MINK1: variants seen among roughly 807,000 people sequenced by gnomAD.
The protein encoded by MINK1 is misshapen like kinase 1.
In MINK1, 46 loss-of-function variants were observed where a neutral mutation model predicts 178.4. The observed-to-expected ratio is 0.26, with a 90% CI of 0.20 to 0.33. MINK1 has a LOEUF of 0.33. Ranked by LOEUF, MINK1 falls within the 10% of genes least tolerant of loss-of-function variation. The pLI, the probability that MINK1 is intolerant of heterozygous loss-of-function variation, is 1.00. For missense variants in MINK1, 1,366 were observed against 1,814.9 expected (o/e 0.75, Z 4.49); for synonymous variants, 797 against 709.7 (o/e 1.12, Z -1.96).
rs1968211761 is a variant in MINK1 at position 4,886,448 on chromosome 17, C to T, written c.774-3C>T. The T allele has an allele frequency of 6.3e-7, 1 of 1,598,740 alleles. No individual in the cohort carries two copies. ...TCCCAGTGTGAGCCACCACTGTTTCCAGGTCTAAGAAGTTCATTGACTTCA... is the reference window on the plus strand; with the variant it reads ...TCCCAGTGTGAGCCACCACTGTTTCTAGGTCTAAGAAGTTCATTGACTTCA... On this transcript the variant is annotated splice_polypyrimidine_tract_variant and splice_region_variant and intron_variant, in intron 9 of 31. Coordinates refer to ENST00000355280, the MANE Select transcript of MINK1 (RefSeq NM_153827.5). This position sits in a 1 kb window ranked among gnomAD's most constrained non-coding sequence, Gnocchi z 6.1.
At chr17:4,843,509 AAAAG>A (rs1184922653) in intron 1 of MINK1, among the ~76,000 whole-genome samples, 2 of 152,020 alleles carry the variant, frequency 1.3e-5, no homozygotes. Flanking sequence ...AAAAAGAAAA[AAAAG>A]GAAGTTGGTT....
At chr17:4,863,316 G>A (rs1190312545) in intron 1 of MINK1, among the ~76,000 whole-genome samples, 1 of 152,166 alleles carries the variant, frequency 6.6e-6, no homozygotes, top group East Asian at 1.9e-4. Context: ...GCCCACTCAT[G>A]GCCTCTGCTT....
At chr17:4,849,837 C>A (rs1373478828) in intron 1 of MINK1, among the ~76,000 whole-genome samples, 1 of 152,024 alleles carries the variant, frequency 6.6e-6, no homozygotes, top group African/African-American at 2.4e-5. Context: ...CCTCCCAAAG[C>A]GCTGGGATTA....
chr17:4,890,937 C>G lies in MINK1; in HGVS notation c.1567-14C>G. On this transcript the variant is annotated splice_polypyrimidine_tract_variant and intron_variant, in intron 14 of 31. Transcript: ENST00000355280. ...GGCAAGAGCTGGCCTGCTTGACATCCCTTCACATCACAGGTAGAAGAGAGA... is the reference window on the plus strand; with the variant it reads ...GGCAAGAGCTGGCCTGCTTGACATCGCTTCACATCACAGGTAGAAGAGAGA... The G allele has an allele frequency of 2.6e-6, 4 of 1,552,828 alleles. No individual in the cohort carries two copies. The highest frequency in any genetic ancestry group is 2.6e-6 in the Non-Finnish European group (3 of 1,147,670).
At chr17:4,884,028 CTTTTT>C (rs1057478222) in intron 4 of MINK1, among the ~76,000 whole-genome samples, 1 of 131,906 alleles carries the variant, frequency 7.6e-6, no homozygotes, top group Non-Finnish European at 1.6e-5. Flanking sequence ...TCCTTCTCCT[CTTTTT>C]TTTTTTTTTT....
At chr17:4,859,117 C>T in intron 1 of MINK1, 2 of 985,370 alleles carry the variant, frequency 2.0e-6, no homozygotes, top group Non-Finnish European at 1.2e-6. Flanking sequence ...AGTGAATAAT[C>T]ATTGCTGGGC....
At chr17:4,876,640 G>T (rs1420859129) in intron 1 of MINK1, among the ~76,000 whole-genome samples, 1 of 152,088 alleles carries the variant, frequency 6.6e-6, no homozygotes, top group Non-Finnish European at 1.5e-5. Context: ...AAGGAGAAAG[G>T]AGTTTTAGAT....
chr17:4,886,682 C>A lies in MINK1; in HGVS notation c.949+56C>A. 1 of 1,480,080 alleles carries A rather than the reference C, an allele frequency of 6.8e-7. No homozygotes were observed. Among genetic ancestry groups the A allele is most frequent in the East Asian group, 2.4e-5 (1 of 41,808 alleles). 91.7% of individuals were successfully genotyped at this position (1,480,080 alleles called of 1,614,324 possible). On this transcript the variant is annotated intron_variant, in intron 10 of 31. Coordinates refer to ENST00000355280, the MANE Select transcript of MINK1 (RefSeq NM_153827.5). This position sits in a 1 kb window ranked among gnomAD's most constrained non-coding sequence, Gnocchi z 6.1. The stretch of plus-strand genomic sequence containing the variant: ...TAGGGGACACTCCAGCCTGGCTCCT[C>A]TCTGCCAGCCCTGCTCGCTCCTGGC...
intron 1 of MINK1, among the ~76,000 whole-genome samples, chr17:4,871,643 A>T (rs1432326659): frequency 6.6e-6 from 1 of 152,166 alleles, no homozygotes; most frequent in Non-Finnish European, 1.5e-5. Flanking sequence ...ATCCATCTAC[A>T]TATTTTTGTG....
chr17:4,878,593 C>T (rs1967411992), intron 2 of MINK1, among the ~76,000 whole-genome samples: 1 of 152,084 alleles, frequency 6.6e-6, no homozygotes. Flanking sequence ...AGAGCCAGTC[C>T]CGGACATGGT....
Position 4,894,535 on chromosome 17 carries a change from G to C in MINK1, c.2819G>C (p.Arg940Pro). Residue 940 changes from arginine (R) to proline (P), a missense_variant, in exon 24 of 32, where the codon CGT (arginine) becomes CCT (proline). Physicochemically the swap from Arg to Pro is moderately radical, Grantham distance 103 (BLOSUM62 -2). Around this residue, in one of 14 missense-constraint regions of MINK1, gnomAD observed 709 missense variants for 692.3 expected, o/e 1.02. Coordinates refer to ENST00000355280, the MANE Select transcript of MINK1 (RefSeq NM_153827.5). The surrounding 1 kb of genome is among the most constrained non-coding windows in gnomAD (Gnocchi z 4.1). ...GTCCCCCTACCACAGTACCAGTCTC[G>C]TGGGCTGGTAAAGGCCCCTGGCAAG... ...SKDGSGDYQSRGLVKAPGKSS... is the reference protein window; with the variant it reads ...SKDGSGDYQSPGLVKAPGKSS... 6.2e-7 allele frequency: 1 copy of C among 1,601,608 alleles called. No individual in the cohort carries two copies. The highest frequency in any genetic ancestry group is 8.5e-7 in the Non-Finnish European group (1 of 1,173,908).
In MINK1 at chr17:4,881,291, C is replaced by T. The variant is rs752326348; in HGVS notation, c.306+34C>T. On this transcript the variant is annotated intron_variant, in intron 4 of 31. Transcript: ENST00000355280. ...CGCCCCCCTGCCCGCCTTCCCTCCC[C>T]GCAATCCCTGTCTCCGGGCTGTTCA... The T allele has an allele frequency of 6.8e-5, 104 of 1,533,084 alleles. No individual in the cohort carries two copies. In the South Asian group the frequency reaches 1.1e-3, roughly 15 times the overall value. 95.0% of individuals were successfully genotyped at this position (1,533,084 alleles called of 1,614,324 possible). A position where few individuals can be genotyped will look rare whatever the true frequency, so the allele number is the denominator to read the frequency against.
chr17:4,864,056 T>C (rs978020526), intron 1 of MINK1, among the ~76,000 whole-genome samples: 5 of 151,868 alleles, frequency 3.3e-5, no homozygotes, highest in African/African-American at 1.2e-4. Flanking sequence ...CCCAAAGTGC[T>C]GGGATTATAG....
chr17:4,834,675 A>G (rs1909018431), intron 1 of MINK1: 1 of 488,470 alleles, frequency 2.0e-6, no homozygotes, highest in Admixed American at 2.2e-5. Context: ...AGTGATTTCA[A>G]GGTGAACACT....
Position 4,892,172 on chromosome 17 carries a change from C to A in MINK1, c.2025C>A (p.Ile675=), listed in dbSNP as rs775990736. 6.2e-7 allele frequency: 1 copy of A among 1,600,794 alleles called. No individual in the cohort carries two copies. The highest frequency in any genetic ancestry group is 1.7e-5 in the Admixed American group (1 of 58,524). ...AGGTGCCTCAGAGGACCTCATCTAT[C>A]GCCACTGCCCTTAACACCAGTGGGG... ...PPKVPQRTSS[I]ATALNTSGAG... Residue 675 remains isoleucine, a synonymous_variant, in exon 17 of 32, where the codon ATC becomes ATA. Coordinates refer to ENST00000355280, the MANE Select transcript of MINK1 (RefSeq NM_153827.5).
intron 1 of MINK1, chr17:4,861,644 G>T: frequency 3.5e-6 from 1 of 285,464 alleles, no homozygotes; most frequent in Non-Finnish European, 7.3e-6. Flanking sequence ...GAGATTACAG[G>T]CACGTGCCAC....
chr17:4,894,442 G>A lies in MINK1; in HGVS notation c.2809-83G>A, dbSNP rs2151067440. On this transcript the variant is annotated intron_variant, in intron 23 of 31. Transcript: ENST00000355280. This position sits in a 1 kb window ranked among gnomAD's most constrained non-coding sequence, Gnocchi z 4.1. ...GGACAGCGGGGGTGCCAGTTGGGGA[G>A]CTGGAGCCTGGGGAACAGCAGCAGG... 2 of 1,520,572 alleles carry A rather than the reference G, an allele frequency of 1.3e-6. No homozygotes were observed. The highest frequency in any genetic ancestry group is 2.8e-5 in the African/African-American group (2 of 72,690). The allele number at this position is 1,520,572 out of a possible 1,614,324, so 94.2% of individuals were successfully genotyped here. A position where few individuals can be genotyped will look rare whatever the true frequency, so the allele number is the denominator to read the frequency against.
rs1347464029 is a variant in MINK1 at position 4,893,155 on chromosome 17, C to G, written c.2400+88C>G. 2.0e-6 allele frequency: 3 copies of G among 1,510,138 alleles called. No individual in the cohort carries two copies. The African/African-American group carries it at 4.2e-5, about 21-fold the overall frequency. The allele number at this position is 1,510,138 out of a possible 1,614,324, so 93.5% of individuals were successfully genotyped here. A position where few individuals can be genotyped will look rare whatever the true frequency, so the allele number is the denominator to read the frequency against. On this transcript the variant is annotated intron_variant, in intron 20 of 31. Coordinates refer to ENST00000355280, the MANE Select transcript of MINK1 (RefSeq NM_153827.5). The stretch of plus-strand genomic sequence containing the variant: ...CTGGGTGTCAGGGGTGGGGTCTCCG[C>G]TGATCTACCGAGAAGGGCTGTGGGG...
At position 4,897,570 on chromosome 17, in the gene MINK1, T is replaced by C. The variant is rs1215101467; in HGVS notation, c.*283T>C. The C allele has an allele frequency of 5.3e-6, 2 of 379,030 alleles. No individual in the cohort carries two copies. The allele number at this position is 379,030 out of a possible 1,614,324, so 23.5% of individuals were successfully genotyped here. On this transcript the variant is annotated 3_prime_UTR_variant, in exon 32 of 32. Coordinates refer to ENST00000355280, the MANE Select transcript of MINK1 (RefSeq NM_153827.5). ...TTGAGTGGGCCTAGCCCCTCCCCCC[T>C]TTTCTCCATTTGAGAGGAGAGTGCT...
Sources: allele counts gnomAD v4.1 joint callset (sites outside exome capture counted in the v4.1 genomes callset), GRCh38; gene constraint gnomAD v4.1.1; regional missense constraint gnomAD v4.1.1; non-coding constraint Gnocchi (gnomAD v3.1); transcripts MANE v1.5; gene names NCBI Gene and HGNC (gene_info 2026-07-23, HGNC 2026-07-21).